The following SLC10A7 variants were observed in gnomAD, a reference collection of about 807,000 sequenced individuals.
SLC10A7 encodes the protein solute carrier family 10 member 7.
In SLC10A7, 29 loss-of-function variants were observed where a neutral mutation model predicts 43.2. The ratio of observed to expected loss-of-function variants is 0.67; its 90% CI spans 0.50 to 0.92. The LOEUF is 0.92. Ranked by LOEUF, SLC10A7 falls within the 40% of genes least tolerant of loss-of-function variation. The pLI, the probability that SLC10A7 is intolerant of heterozygous loss-of-function variation, is 0.00. For synonymous variants in SLC10A7, 152 were observed against 144.8 expected (o/e 1.05, Z -0.35); for missense variants, 295 against 403.2 (o/e 0.73, Z 2.30).
intron 9 of SLC10A7, among the ~76,000 whole-genome samples, chr4:146,286,748 G>T (rs1044502934): frequency 3.2e-4 from 48 of 151,902 alleles, no homozygotes; most frequent in African/African-American, 1.0e-3. Flanking sequence ...GAGAAGGACT[G>T]TGTTTGGAGT....
intron 5 of SLC10A7, among the ~76,000 whole-genome samples, chr4:146,334,805 T>C (rs1271473864): frequency 2.0e-5 from 3 of 152,066 alleles, no homozygotes; most frequent in African/African-American, 7.2e-5. Context: ...GAATGCTTGA[T>C]GTTGGAAAGT....
intron 6 of SLC10A7, among the ~76,000 whole-genome samples, chr4:146,318,816 AC>A (rs67945951): frequency 0.73 from 111,058 of 151,746 alleles, 41,154 homozygotes; most frequent in African/African-American, 0.83. Context: ...GCAACTCTAC[AC>A]TTCCAGCTGC....
chr4:146,338,257 T>C (rs1734022877), intron 5 of SLC10A7, among the ~76,000 whole-genome samples: 1 of 152,004 alleles, frequency 6.6e-6, no homozygotes, highest in Non-Finnish European at 1.5e-5. Flanking sequence ...ATGAGACTAG[T>C]TGACATTTAT....
intron 5 of SLC10A7, among the ~76,000 whole-genome samples, chr4:146,338,780 A>G (rs1202584812): frequency 6.6e-6 from 1 of 152,004 alleles, no homozygotes; most frequent in East Asian, 1.9e-4. Flanking sequence ...GAAAGCAGTT[A>G]CTCAGCACTA....
At chr4:146,407,511 T>C (rs1244895444) in intron 5 of SLC10A7, among the ~76,000 whole-genome samples, 2 of 152,210 alleles carry the variant, frequency 1.3e-5, no homozygotes, top group Non-Finnish European at 2.9e-5. Flanking sequence ...TAAAACTTTA[T>C]ATACACTGAA....
intron 5 of SLC10A7, among the ~76,000 whole-genome samples, chr4:146,432,573 G>C (rs1729856607): frequency 6.6e-6 from 1 of 152,128 alleles, no homozygotes; most frequent in Non-Finnish European, 1.5e-5. Context: ...AAAAAAATCA[G>C]TGGCTGCCAG....
At chr4:146,458,576 T>C (rs574244475) in intron 4 of SLC10A7, among the ~76,000 whole-genome samples, 18 of 152,024 alleles carry the variant, frequency 1.2e-4, no homozygotes, top group Admixed American at 9.2e-4. Flanking sequence ...TAAATGTCTC[T>C]GATAATCAGA....
chr4:146,434,892 C>T lies in SLC10A7; in HGVS notation c.435+7891G>A, dbSNP rs76494333. 1.1e-3 allele frequency among the ~76,000 whole-genome samples: 167 copies of T among 152,208 alleles called. 1 individual carries two copies. In the South Asian group the frequency reaches 0.016, roughly 14 times the overall value. ...AAGTTTTATAGTAAAATAAGTGTTT[C>T]TCAAACTGTATGTTGCAGTTACCTG... On this transcript the variant is annotated intron_variant, in intron 5 of 11. Transcript: ENST00000335472.
chr4:146,341,505 C>T (rs1728411549), intron 5 of SLC10A7, among the ~76,000 whole-genome samples: 1 of 151,702 alleles, frequency 6.6e-6, no homozygotes, highest in African/African-American at 2.4e-5. Context: ...TAACCATGCA[C>T]ACATATGTTT....
At chr4:146,434,019 AAAATAATAGCG>A (rs1230025686) in intron 5 of SLC10A7, among the ~76,000 whole-genome samples, 6 of 152,218 alleles carry the variant, frequency 3.9e-5, no homozygotes, top group Non-Finnish European at 8.8e-5. Flanking sequence ...CAGTTTTTTA[AAAATAATAGCG>A]AAAGAATAAA....
chr4:146,519,103 ATATATAT>A (rs1560991713), intron 1 of SLC10A7, among the ~76,000 whole-genome samples: 7 of 38,524 alleles, frequency 1.8e-4, no homozygotes, highest in African/African-American at 3.4e-4. Flanking sequence ...ATATATATAT[ATATATAT>A]ATAATATAAT....
chr4:146,357,914 G>A (rs1007224814), intron 5 of SLC10A7, among the ~76,000 whole-genome samples: 1 of 151,980 alleles, frequency 6.6e-6, no homozygotes, highest in African/African-American at 2.4e-5. Context: ...AAAGAGAAAA[G>A]GACTTGAGTC....
At chr4:146,266,682 C>T (rs570102185) in intron 10 of SLC10A7, among the ~76,000 whole-genome samples, 2 of 152,236 alleles carry the variant, frequency 1.3e-5, no homozygotes, top group African/African-American at 4.8e-5. Context: ...AGTTGTTTTT[C>T]AAGCAGGGAT....
chr4:146,322,414 C>T lies in SLC10A7; in HGVS notation c.471+3547G>A, dbSNP rs181322013. On this transcript the variant is annotated intron_variant, in intron 6 of 11. Transcript: ENST00000335472. ...GCCCCAGTGTGTGATGTTCCCCTTC[C>T]TGTGTCCATGTGTTCTCATTGTTCA... Among the ~76,000 whole-genome samples, 984 of 143,996 alleles carry T rather than the reference C, an allele frequency of 6.8e-3. 17 individuals carry two copies. Among genetic ancestry groups the T allele is most frequent in the African/African-American group, 0.024 (925 of 38,816 alleles). 94.5% of individuals were successfully genotyped at this position (143,996 alleles called of 152,430 possible).
chr4:146,458,452 A>G (rs1732269892), intron 4 of SLC10A7, among the ~76,000 whole-genome samples: 1 of 151,826 alleles, frequency 6.6e-6, no homozygotes, highest in South Asian at 2.1e-4. Context: ...TGGCCTTGTC[A>G]AAGTAAAATA....
chr4:146,350,324 C>A (rs1177825042), intron 5 of SLC10A7, among the ~76,000 whole-genome samples: 1 of 151,502 alleles, frequency 6.6e-6, no homozygotes, highest in African/African-American at 2.4e-5. Context: ...CTTTTCAGAA[C>A]GGCTTAAAAA....
At chr4:146,318,236 G>A (rs990717350) in intron 6 of SLC10A7, among the ~76,000 whole-genome samples, 1 of 151,998 alleles carries the variant, frequency 6.6e-6, no homozygotes, top group Non-Finnish European at 1.5e-5. Context: ...AATTATCACT[G>A]TCTTTAACTC....
chr4:146,259,786 CTAT>C (rs985944329), intron 10 of SLC10A7, among the ~76,000 whole-genome samples: 1 of 152,164 alleles, frequency 6.6e-6, no homozygotes, highest in Non-Finnish European at 1.5e-5. Flanking sequence ...AGCAGTCTAA[CTAT>C]TATTACTAAT....
chr4:146,309,916 AC>A (rs1731844378), intron 6 of SLC10A7, among the ~76,000 whole-genome samples: 2 of 152,238 alleles, frequency 1.3e-5, no homozygotes, highest in South Asian at 4.1e-4. Flanking sequence ...TTATCCCATC[AC>A]CAAGATAGTG....
Sources: gnomAD v4.1 joint callset for allele counts (sites outside exome capture counted in the v4.1 genomes callset) on GRCh38, gnomAD v4.1.1 for gene constraint, MANE v1.5 for transcripts, NCBI Gene and HGNC (gene_info 2026-07-23, HGNC 2026-07-21) for gene names.